IGF2R: variants seen among roughly 807,000 people sequenced by gnomAD.
IGF2R encodes cation-independent mannose-6-phosphate receptor.
A neutral mutation model predicts 270.6 loss-of-function variants in IGF2R; 91 were observed. The observed-to-expected ratio is 0.34, with a 90% CI of 0.28 to 0.40. The LOEUF (loss-of-function observed/expected upper bound fraction) is 0.40, where lower values mean the gene tolerates loss of function less well. Among genes scored for constraint, IGF2R ranks in the 10% least tolerant of loss-of-function variants. IGF2R has a pLI of 1.00. For missense variants in IGF2R, 2,805 were observed against 3,188.3 expected, an observed-to-expected ratio of 0.88 and a Z score of 2.90; for synonymous variants, 1,316 against 1,258.9, an observed-to-expected ratio of 1.05 and a Z score of -0.96.
At chr6:159,997,084 T>C (rs1202457974) in intron 2 of IGF2R, among the ~76,000 whole-genome samples, 4 of 152,188 alleles carry the variant, frequency 2.6e-5, no homozygotes, top group East Asian at 3.8e-4. Context: ...GCTGGAAGCA[T>C]ACTCCTCCCT....
Position 160,010,742 on chromosome 6 carries a change from C to G in IGF2R, c.470C>G (p.Thr157Ser). The G allele has an allele frequency of 1.2e-6, 2 of 1,612,242 alleles. No individual in the cohort carries two copies. The highest frequency in any genetic ancestry group is 1.1e-5 in the South Asian group (1 of 91,014). Reference sequence around the variant, plus strand: ...TGTGTGCACTACTTTGAGTGGAGGACCACTGCAGCCTGCAAGAAAGACATA... The same window carrying G: ...TGTGTGCACTACTTTGAGTGGAGGAGCACTGCAGCCTGCAAGAAAGACATA... ...TECVHYFEWR[T>S]TAACKKDIFK... The change falls in exon 4 of 48, where the codon ACC becomes AGC. Residue 157 changes from threonine (T) to serine (S), a missense_variant. Physicochemically the swap from Thr to Ser is moderately conservative, Grantham distance 58 (BLOSUM62 1). Coordinates refer to ENST00000356956, the MANE Select transcript of IGF2R (RefSeq NM_000876.4).
intron 18 of IGF2R, among the ~76,000 whole-genome samples, chr6:160,049,949 G>A (rs1209109573): frequency 6.6e-6 from 1 of 152,192 alleles, no homozygotes; most frequent in African/African-American, 2.4e-5. Context: ...AGGAATTTGG[G>A]TTGAGGGACT....
chr6:160,059,681 T>G (rs1778392449), intron 22 of IGF2R, among the ~76,000 whole-genome samples: 1 of 152,234 alleles, frequency 6.6e-6, no homozygotes, highest in African/African-American at 2.4e-5. Context: ...GTGTCCACAG[T>G]ACGGCCATGG....
At chr6:159,981,937 A>G (rs1317805117) in intron 1 of IGF2R, among the ~76,000 whole-genome samples, 5 of 152,060 alleles carry the variant, frequency 3.3e-5, no homozygotes, top group Admixed American at 1.3e-4. Context: ...GACGTTTGGC[A>G]TTTCCCTGCT....
At chr6:159,988,634 A>G (rs1783927931) in intron 1 of IGF2R, among the ~76,000 whole-genome samples, 1 of 151,952 alleles carries the variant, frequency 6.6e-6, no homozygotes, top group Admixed American at 6.6e-5. Flanking sequence ...AATATCATAT[A>G]CTTAGGATTG....
In IGF2R at chr6:160,076,604, A is replaced by C. The variant is rs543289133; in HGVS notation, c.5316+608A>C. ...TGGCCCCTATTCCACAGGGACTCAG[A>C]GTAGCTCTGCAGGGGCAGAGCCAGG... On this transcript the variant is annotated intron_variant, in intron 36 of 47. Transcript: ENST00000356956. 3.9e-5 allele frequency among the ~76,000 whole-genome samples: 6 copies of C among 152,322 alleles called. No homozygotes were observed. In the East Asian group the frequency reaches 1.2e-3, roughly 29 times the overall value.
chr6:160,056,752 G>C (rs1778325829), intron 20 of IGF2R, among the ~76,000 whole-genome samples: 2 of 152,200 alleles, frequency 1.3e-5, no homozygotes, highest in African/African-American at 2.4e-5. Flanking sequence ...GCTCACTGTA[G>C]TTTCCTTCCT....
rs142637746 is a variant in IGF2R at position 160,032,942 on chromosome 6, G to A, written c.1046G>A (p.Gly349Asp). ...TTCTTGTTAATTTCCCTGTTTTTAGGTTCATCCTATATTTCAGATGGAAAA... is the reference window on the plus strand; with the variant it reads ...TTCTTGTTAATTTCCCTGTTTTTAGATTCATCCTATATTTCAGATGGAAAA... ...IDLTPLAQSG[G>D]SSYISDGKEY... Residue 349 changes from glycine (G) to aspartate (D), a missense_variant and splice_region_variant, in exon 9 of 48, where the codon GGT (glycine) becomes GAT (aspartate). Around this residue, in one of 2 missense-constraint regions of IGF2R, gnomAD observed 954 missense variants for 981.1 expected, o/e 0.97. Transcript: ENST00000356956. 2.3e-5 allele frequency: 36 copies of A among 1,588,676 alleles called. No homozygotes were observed. Among genetic ancestry groups the A allele is most frequent in the Non-Finnish European group, 3.1e-5 (36 of 1,158,752 alleles).
chr6:159,972,165 G>A (rs747791796), intron 1 of IGF2R, among the ~76,000 whole-genome samples: 17 of 151,890 alleles, frequency 1.1e-4, no homozygotes, highest in Non-Finnish European at 4.4e-5. Context: ...AAGGTGTGAC[G>A]TGTTAAGCTC....
At position 160,050,108 on chromosome 6, in the gene IGF2R, T is replaced by G. The variant is rs1562357598; in HGVS notation, c.2515-365T>G. ...GTTAGTGTCAGCCGTTCCACCGGAA[T>G]TCAGGATCTGAAGAACATCTTACAC... On this transcript the variant is annotated intron_variant, in intron 18 of 47. Transcript: ENST00000356956. The surrounding 1 kb of genome is among the most constrained non-coding windows in gnomAD (Gnocchi z 4.0). 6.6e-6 allele frequency among the ~76,000 whole-genome samples: 1 copy of G among 152,222 alleles called. No homozygotes were observed. Among genetic ancestry groups the G allele is most frequent in the Non-Finnish European group, 1.5e-5 (1 of 68,046 alleles).
intron 34 of IGF2R, 40 bp downstream of exon 34, chr6:160,073,509 T>A (rs1162103773): frequency 1.2e-6 from 2 of 1,605,842 alleles, no homozygotes; most frequent in African/African-American, 2.7e-5. Context: ...GCATGTCCAG[T>A]GCCTGGCTGC....
chr6:160,104,633 C>T, intron 47 of IGF2R, 41 bp from the exon 48 acceptor site: 1 of 1,581,698 alleles, frequency 6.3e-7, no homozygotes, highest in Non-Finnish European at 8.6e-7. Flanking sequence ...AATGGGGTCT[C>T]TTAGGGGGCT....
chr6:160,046,367 G>A, intron 14 of IGF2R, 131 bp from the exon 15 acceptor site: 1 of 816,128 alleles, frequency 1.2e-6, no homozygotes. Flanking sequence ...CGTCTCTTCT[G>A]CCTCCTCCAC....
At chr6:160,074,049 C>A in intron 35 of IGF2R, 74 bp downstream of exon 35, 1 of 1,070,480 alleles carries the variant, frequency 9.3e-7, no homozygotes, top group Non-Finnish European at 1.4e-6. Flanking sequence ...TTGTTTCTTG[C>A]CTTCAGTGGG....
In IGF2R at chr6:160,073,280, G is replaced by A. The variant is rs1562368109; in HGVS notation, c.4758G>A (p.Gln1586=). 3 of 1,614,274 alleles carry A rather than the reference G, an allele frequency of 1.9e-6. No individual in the cohort carries two copies. Among genetic ancestry groups the A allele is most frequent in the Non-Finnish European group, 2.5e-6 (3 of 1,180,056 alleles). ...KANKRLRYVD[Q]VLQLVYKDGS... The stretch of plus-strand genomic sequence containing the variant: ...ACAAGAGGCTGAGATACGTGGACCA[G>A]GTCCTGCAGCTGGTGTACAAGGATG... The change falls in exon 34 of 48, where the codon CAG becomes CAA. Residue 1586 remains glutamine, a synonymous_variant. Transcript: ENST00000356956.
chr6:160,076,021 A>G, intron 36 of IGF2R, 25 bp downstream of exon 36: 1 of 1,610,398 alleles, frequency 6.2e-7, no homozygotes, highest in Non-Finnish European at 8.5e-7. Context: ...GTGACGATCT[A>G]GATGCTCAAC....
intron 1 of IGF2R, among the ~76,000 whole-genome samples, chr6:159,986,439 T>G (rs750469009): frequency 0.035 from 5,276 of 149,152 alleles, 133 homozygotes; most frequent in Non-Finnish European, 0.04. Context: ...TGTTTTTTTT[T>G]TTTTTTTAAG....
At position 160,084,132 on chromosome 6, in the gene IGF2R, C is replaced by A; in HGVS notation, c.6016C>A (p.Arg2006=). 2 of 1,614,110 alleles carry A rather than the reference C, an allele frequency of 1.2e-6. No individual in the cohort carries two copies. ...FVQKHKTYDL[R]LLSSLTGSWS... ...CCAGAAACACAAAACCTACGACCTGCGGCTGCTCTCCTCTCTCACCGGGTC... is the reference window on the plus strand; with the variant it reads ...CCAGAAACACAAAACCTACGACCTGAGGCTGCTCTCCTCTCTCACCGGGTC... The change falls in exon 40 of 48, where the codon CGG becomes AGG. Residue 2006 remains arginine (R), a synonymous_variant. Coordinates refer to ENST00000356956, the MANE Select transcript of IGF2R (RefSeq NM_000876.4). This position sits in a 1 kb window ranked among gnomAD's most constrained non-coding sequence, Gnocchi z 4.6.
chr6:160,006,224 C>T (rs1387560281), intron 2 of IGF2R: 1 of 159,076 alleles, frequency 6.3e-6, no homozygotes, highest in Non-Finnish European at 1.4e-5. Context: ...CGCGCCTCCC[C>T]CCTTCGCGCC....
Sources: gnomAD v4.1 joint callset for allele counts (sites outside exome capture counted in the v4.1 genomes callset) on GRCh38, gnomAD v4.1.1 for gene constraint, gnomAD v4.1.1 regional missense constraint, Gnocchi (gnomAD v3.1) non-coding constraint, MANE v1.5 for transcripts, NCBI Gene and HGNC (gene_info 2026-07-23, HGNC 2026-07-21) for gene names.